Variants in NOTCH1 observed in about 807,000 individuals in gnomAD.
NOTCH1 encodes notch receptor 1.
Under a neutral mutation model 254.8 loss-of-function variants are expected in NOTCH1, and 37 were observed. The ratio of observed to expected loss-of-function variants is 0.15; its 90% CI spans 0.11 to 0.19. NOTCH1 has a LOEUF of 0.19. NOTCH1 is among the 10% of genes least tolerant of loss of function. The pLI, the probability that NOTCH1 is intolerant of heterozygous loss-of-function variation, is 1.00. For synonymous variants in NOTCH1, 1,731 were observed against 1,618.1 expected, an observed-to-expected ratio of 1.07 and a Z score of -1.68; for missense variants, 2,972 against 3,708.6, an observed-to-expected ratio of 0.80 and a Z score of 5.16.
At chr9:136,533,465 G>A (rs1339962193) in intron 2 of NOTCH1, among the ~76,000 whole-genome samples, 1 of 152,260 alleles carries the variant, frequency 6.6e-6, no homozygotes, top group Non-Finnish European at 1.5e-5. Flanking sequence ...ACGCGGCCCT[G>A]CTGTGCGGCA....
At chr9:136,535,444 G>A (rs1843630944) in intron 2 of NOTCH1, among the ~76,000 whole-genome samples, 1 of 145,090 alleles carries the variant, frequency 6.9e-6, no homozygotes, top group South Asian at 2.1e-4. Flanking sequence ...CCCTCCCAGG[G>A]GCAATGGGTG....
chr9:136,523,675 G>A (rs747557549), intron 3 of NOTCH1, 42 bp downstream of exon 3: 3 of 1,569,082 alleles, frequency 1.9e-6, no homozygotes, highest in African/African-American at 2.7e-5. Flanking sequence ...CTGGCGGCGG[G>A]CCTGGGTCTG....
chr9:136,497,028 C>T lies in NOTCH1; in HGVS notation c.6711G>A (p.Met2237Ile), dbSNP rs776178941. Residue 2237 changes from methionine to isoleucine, a missense_variant, in exon 34 of 34, where the codon ATG (methionine) becomes ATA (isoleucine). Transcript: ENST00000651671. ...GCCCGATGCCCAGGTGGGTGTCGGGCATCCCAGGCAGGTGGTTGAGGGGCA... is the reference window on the plus strand; with the variant it reads ...GCCCGATGCCCAGGTGGGTGTCGGGTATCCCAGGCAGGTGGTTGAGGGGCA... ...PSVPLNHLPG[M>I]PDTHLGIGHL... The T allele has an allele frequency of 1.2e-6, 2 of 1,609,416 alleles. No homozygotes were observed. Among genetic ancestry groups the T allele is most frequent in the Non-Finnish European group, 1.7e-6 (2 of 1,178,210 alleles).
Position 136,506,235 on chromosome 9 carries a change from G to A in NOTCH1, c.4014+292C>T, listed in dbSNP as rs1376618556. Reference sequence around the variant, plus strand: ...CCAGGTACAGGAAGGGCTGCTGTTGGTAACAATGTATCACTGAAATCCAGA... The same window carrying A: ...CCAGGTACAGGAAGGGCTGCTGTTGATAACAATGTATCACTGAAATCCAGA... On this transcript the variant is annotated intron_variant, in intron 24 of 33. Coordinates refer to ENST00000651671, the MANE Select transcript of NOTCH1 (RefSeq NM_017617.5). This position sits in a 1 kb window ranked among gnomAD's most constrained non-coding sequence, Gnocchi z 4.5. Among the ~76,000 whole-genome samples, 1 of 152,132 alleles carries A rather than the reference G, an allele frequency of 6.6e-6. No homozygotes were observed. The highest frequency in any genetic ancestry group is 1.9e-4 in the East Asian group (1 of 5,186).
chr9:136,509,176 G>A (rs1843138241), intron 18 of NOTCH1, 105 bp from the exon 19 acceptor site: 2 of 1,175,376 alleles, frequency 1.7e-6, no homozygotes, highest in East Asian at 2.6e-5. Flanking sequence ...AACCCTAGGG[G>A]CCTGATGGCC....
chr9:136,508,007 G>A lies in NOTCH1; in HGVS notation c.3458C>T (p.Pro1153Leu). ...EDLVDECSPS[P>L]CQNGATCTDY... ...CGTGCAGGTGGCCCCGTTCTGGCAG[G>A]GGCTGGGTGAGCACTCGTCCACCAG... is the stretch of plus-strand genomic sequence containing the variant. The change falls in exon 21 of 34, where the codon CCC becomes CTC. Residue 1153 changes from proline (P) to leucine (L), a missense_variant. Pro to Leu is a moderately conservative substitution (Grantham distance 98). Around this residue, in one of 8 missense-constraint regions of NOTCH1, gnomAD observed 1,343 missense variants for 1,557.0 expected, o/e 0.86. Coordinates refer to ENST00000651671, the MANE Select transcript of NOTCH1 (RefSeq NM_017617.5). The A allele has an allele frequency of 1.9e-6, 3 of 1,612,644 alleles. No individual in the cohort carries two copies. The East Asian group carries it at 6.7e-5, about 36-fold the overall frequency.
In NOTCH1 at chr9:136,503,339, A is replaced by G. The variant is rs1589057393; in HGVS notation, c.5019-9T>C. ...CCAGGTAGACGATGGAGCTGGGCGG[A>G]CAATCAGAGAGGGGCTGGGACCCGA... On this transcript the variant is annotated splice_polypyrimidine_tract_variant and intron_variant, in intron 26 of 33. Transcript: ENST00000651671. The G allele has an allele frequency of 6.2e-7, 1 of 1,612,552 alleles. No homozygotes were observed. Among genetic ancestry groups the G allele is most frequent in the Non-Finnish European group, 8.5e-7 (1 of 1,179,802 alleles).
In NOTCH1 at chr9:136,496,156, T is replaced by C. The variant is rs1204244687; in HGVS notation, c.7583A>G (p.Asn2528Ser). The change falls in exon 34 of 34, where the codon AAC (asparagine) becomes AGC (serine). Residue 2528 changes from asparagine (N) to serine (S), a missense_variant. This residue lies in a region of NOTCH1 where 85 missense variants were observed against 126.1 expected (regional missense o/e 0.67). Coordinates refer to ENST00000651671, the MANE Select transcript of NOTCH1 (RefSeq NM_017617.5). ...GACGCCCTCGGACCAGTCGGAGACG[T>C]TGGAATGCGGGGACGAGCTGGACCA... ...DQWSSSSPHS[N>S]VSDWSEGVSS... The C allele has an allele frequency of 4.3e-6, 7 of 1,610,120 alleles. No individual in the cohort carries two copies. The highest frequency in any genetic ancestry group is 5.1e-6 in the Non-Finnish European group (6 of 1,179,456).
chr9:136,544,070 G>C lies in NOTCH1; in HGVS notation c.94C>G (p.Leu32Val), dbSNP rs367858719. 6.3e-7 allele frequency: 1 copy of C among 1,582,048 alleles called. No homozygotes were observed. Among genetic ancestry groups the C allele is most frequent in the African/African-American group, 1.3e-5 (1 of 74,308 alleles). ...GCCGCTTCACACTTCCCGCCATTCAGGCAGGTCTCACCGGGCTGGGAGCAT... is the reference window on the plus strand; with the variant it reads ...GCCGCTTCACACTTCCCGCCATTCACGCAGGTCTCACCGGGCTGGGAGCAT... Reference protein sequence around the residue: ...PRCSQPGETCLNGGKCEAANG... With the variant: ...PRCSQPGETCVNGGKCEAANG... The change falls in exon 2 of 34, where the codon CTG becomes GTG. Residue 32 changes from leucine (L) to valine (V), a missense_variant. Physicochemically the swap from Leu to Val is conservative, Grantham distance 32. Transcript: ENST00000651671.
At chr9:136,527,232 C>T (rs35863377) in intron 2 of NOTCH1, among the ~76,000 whole-genome samples, 22,747 of 152,226 alleles carry the variant, frequency 0.15, 1,800 homozygotes, top group South Asian at 0.26. Flanking sequence ...ACCTGCCCTC[C>T]GCACAGCACC....
At chr9:136,521,743 T>C (rs1465808277) in intron 4 of NOTCH1, among the ~76,000 whole-genome samples, 2 of 152,180 alleles carry the variant, frequency 1.3e-5, no homozygotes, top group African/African-American at 4.8e-5. Flanking sequence ...ACGTCTGGTG[T>C]CTGCACGCAG....
Position 136,545,051 on chromosome 9 carries a change from C to G in NOTCH1, c.61+675G>C, listed in dbSNP as rs1843793121. On this transcript the variant is annotated intron_variant, in intron 1 of 33. Transcript: ENST00000651671. The surrounding 1 kb of genome is among the most constrained non-coding windows in gnomAD (Gnocchi z 6.8). ...CGGCGGGGAGAAATGTAAGAGCCCC[C>G]CACCCGCGTCCCGCTCTCCGCCCCC... Among the ~76,000 whole-genome samples, 2 of 152,166 alleles carry G rather than the reference C, an allele frequency of 1.3e-5. No homozygotes were observed. The highest frequency in any genetic ancestry group is 6.5e-5 in the Admixed American group (1 of 15,292).
At chr9:136,511,596 G>A (rs762954362) in intron 15 of NOTCH1, among the ~76,000 whole-genome samples, 11 of 152,314 alleles carry the variant, frequency 7.2e-5, no homozygotes, top group Admixed American at 2.0e-4. Context: ...CAGGAGAGGC[G>A]GCCTCAGTCG....
chr9:136,521,376 T>C (rs1417129714), intron 4 of NOTCH1, among the ~76,000 whole-genome samples: 1 of 148,308 alleles, frequency 6.7e-6, no homozygotes, highest in Non-Finnish European at 1.5e-5. Flanking sequence ...CCCAGGGCCC[T>C]GAGCTGCCCC....
In NOTCH1 at chr9:136,545,553, C is replaced by A. The variant is rs1210191049; in HGVS notation, c.61+173G>T. On this transcript the variant is annotated intron_variant, in intron 1 of 33. Transcript: ENST00000651671. This position sits in a 1 kb window ranked among gnomAD's most constrained non-coding sequence, Gnocchi z 6.8. ...CCACGGGGGGATCGAGGGGGAAGGT[C>A]GGTCCTCCCTGATCCCGGGACTCCA... Among the ~76,000 whole-genome samples the A allele has an allele frequency of 6.6e-6, 1 of 151,818 alleles. No homozygotes were observed. The highest frequency in any genetic ancestry group is 1.5e-5 in the Non-Finnish European group (1 of 67,900).
At chr9:136,517,407 AG>A in intron 8 of NOTCH1, 22 bp from the exon 9 acceptor site, 1 of 1,508,228 alleles carries the variant, frequency 6.6e-7, no homozygotes, top group Non-Finnish European at 9.1e-7. Flanking sequence ...GGCAACAGTG[AG>A]GGGGGCACGC....
chr9:136,505,318 G>C lies in NOTCH1; in HGVS notation c.4578C>G (p.Gly1526=), dbSNP rs1490663706. The change falls in exon 25 of 34, where the codon GGC becomes GGG. Residue 1526 remains glycine, a synonymous_variant. Coordinates refer to ENST00000651671, the MANE Select transcript of NOTCH1 (RefSeq NM_017617.5). ...FDGFDCQRAE[G]QCNPLYDQYC... ...GAGCCCCGCAGCCTTACTTGCACTG[G>C]CCTTCCGCACGCTGGCAGTCAAAGC... The C allele has an allele frequency of 6.3e-7, 1 of 1,575,202 alleles. No homozygotes were observed. The highest frequency in any genetic ancestry group is 1.3e-5 in the African/African-American group (1 of 74,182).
Position 136,515,348 on chromosome 9 carries a change from C to T in NOTCH1, c.1956G>A (p.Ser652=), listed in dbSNP as rs376101458. The change falls in exon 12 of 34, where the codon TCG becomes TCA. Residue 652 remains serine (S), a synonymous_variant. Coordinates refer to ENST00000651671, the MANE Select transcript of NOTCH1 (RefSeq NM_017617.5). ...CATCGATCTTGTCCAGACAGGTGCC[C>T]GAGTCGCAGGGGCTGCTGGCACAGT... ...LDDCASSPCD[S]GTCLDKIDGY... The T allele has an allele frequency of 4.3e-5, 69 of 1,612,950 alleles. No individual in the cohort carries two copies. In the African/African-American group the frequency reaches 5.7e-4, roughly 13 times the overall value.
At chr9:136,505,968 C>T in intron 24 of NOTCH1, 87 bp from the exon 25 acceptor site, 2 of 1,200,586 alleles carry the variant, frequency 1.7e-6, no homozygotes, top group Admixed American at 2.3e-5. Flanking sequence ...GCCAGCAGTG[C>T]CACCGCTCTC....
Sources: allele counts gnomAD v4.1 joint callset (sites outside exome capture counted in the v4.1 genomes callset), GRCh38; gene constraint gnomAD v4.1.1; regional missense constraint gnomAD v4.1.1; non-coding constraint Gnocchi (gnomAD v3.1); transcripts MANE v1.5; gene names NCBI Gene and HGNC (gene_info 2026-07-23, HGNC 2026-07-21).